The following TRPV3 variants were observed in gnomAD, a reference collection of about 807,000 sequenced individuals.
TRPV3 encodes VRL-3.
In TRPV3, 88 loss-of-function variants were observed where a neutral mutation model predicts 87.1. That is an observed-to-expected ratio of 1.01 (90% CI 0.85 to 1.21). The LOEUF (loss-of-function observed/expected upper bound fraction) is 1.21, where lower values mean the gene tolerates loss of function less well. TRPV3 is among the 50% of genes most tolerant of loss of function. TRPV3 has a pLI of 0.00. For synonymous variants in TRPV3, 438 were observed against 423.3 expected (o/e 1.03, Z -0.43); for missense variants, 1,054 against 1,030.1 (o/e 1.02, Z -0.32).
chr17:3,525,167 C>A (rs557956838), intron 12 of TRPV3, among the ~76,000 whole-genome samples: 15 of 128,890 alleles, frequency 1.2e-4, no homozygotes, highest in African/African-American at 2.9e-4. Flanking sequence ...TTACAGGCAC[C>A]CGCCACCACA....
intron 2 of TRPV3, among the ~76,000 whole-genome samples, chr17:3,551,357 C>T (rs1181403325): frequency 1.3e-5 from 2 of 152,234 alleles, no homozygotes; most frequent in Non-Finnish European, 2.9e-5. Context: ...TACATCCCAC[C>T]CAGCGTCATA....
At chr17:3,544,691 A>G in intron 3 of TRPV3, 26 bp from the exon 4 acceptor site, 1 of 1,573,198 alleles carries the variant, frequency 6.4e-7, no homozygotes, top group Admixed American at 1.7e-5. Context: ...GGGGGAACAG[A>G]GAGGGTTTTA....
chr17:3,545,668 G>C (rs984962256), intron 2 of TRPV3, among the ~76,000 whole-genome samples: 2 of 151,764 alleles, frequency 1.3e-5, no homozygotes, highest in Non-Finnish European at 2.9e-5. Flanking sequence ...AAGTGGGCAG[G>C]AGAGAAAGGA....
intron 6 of TRPV3, among the ~76,000 whole-genome samples, chr17:3,536,461 G>A (rs1291204784): frequency 6.6e-6 from 1 of 152,178 alleles, no homozygotes; most frequent in Non-Finnish European, 1.5e-5. Flanking sequence ...GGGGGCGCAT[G>A]CCTGTAATCC....
At chr17:3,546,126 C>A (rs1031718323) in intron 2 of TRPV3, among the ~76,000 whole-genome samples, 4 of 152,042 alleles carry the variant, frequency 2.6e-5, no homozygotes, top group Non-Finnish European at 4.4e-5. Flanking sequence ...ATTCATCTTG[C>A]GCTCAGTAAA....
chr17:3,538,090 C>T (rs769834518), intron 6 of TRPV3, among the ~76,000 whole-genome samples: 8 of 150,926 alleles, frequency 5.3e-5, no homozygotes, highest in East Asian at 3.9e-4. Flanking sequence ...CCCAGCTACT[C>T]GGGAGGCTGA....
intron 2 of TRPV3, 117 bp from the exon 3 acceptor site, chr17:3,545,388 T>C: frequency 1.5e-6 from 1 of 677,494 alleles, no homozygotes. Context: ...TGGCCAGCTC[T>C]GAGCCCAAAT....
intron 12 of TRPV3, among the ~76,000 whole-genome samples, chr17:3,525,212 G>T (rs1459723428): frequency 3.3e-5 from 5 of 152,144 alleles, no homozygotes; most frequent in Admixed American, 3.3e-4. Flanking sequence ...TAGAGATGGG[G>T]TTTCACCATG....
chr17:3,533,999 A>C (rs1322113782), intron 7 of TRPV3, among the ~76,000 whole-genome samples: 1 of 152,158 alleles, frequency 6.6e-6, no homozygotes, highest in Admixed American at 6.5e-5. Flanking sequence ...ATGCTTGTTA[A>C]GAAAAAATAA....
At chr17:3,550,440 G>A (rs899022120) in intron 2 of TRPV3, among the ~76,000 whole-genome samples, 3 of 151,642 alleles carry the variant, frequency 2.0e-5, no homozygotes, top group Non-Finnish European at 4.4e-5. Context: ...TAGTGTCCTC[G>A]TGCTGCCAAG....
At chr17:3,547,822 G>GGA (rs1281440171) in intron 2 of TRPV3, among the ~76,000 whole-genome samples, 1 of 152,126 alleles carries the variant, frequency 6.6e-6, no homozygotes, top group Non-Finnish European at 1.5e-5. Context: ...CCCCAGCGAA[G>GGA]GAGAGACGCT....
chr17:3,548,439 A>G (rs1433144455), intron 2 of TRPV3, among the ~76,000 whole-genome samples: 1 of 152,332 alleles, frequency 6.6e-6, no homozygotes, highest in South Asian at 2.1e-4. Flanking sequence ...CGCCTTAGCA[A>G]TCTGAGCCTT....
At chr17:3,525,884 G>A (rs1439037156) in intron 12 of TRPV3, among the ~76,000 whole-genome samples, 4 of 151,974 alleles carry the variant, frequency 2.6e-5, no homozygotes. Context: ...CAAAGTGCTG[G>A]GATTACAAGC....
At chr17:3,525,689 G>A (rs538297239) in intron 12 of TRPV3, among the ~76,000 whole-genome samples, 24 of 149,222 alleles carry the variant, frequency 1.6e-4, no homozygotes, top group South Asian at 6.4e-4. Context: ...GCATGATCTC[G>A]GCTCACTGCA....
Position 3,512,437 on chromosome 17 carries a change from G to C in TRPV3, c.*1480C>G, listed in dbSNP as rs532641516. The C allele has an allele frequency of 1.3e-5, 2 of 152,324 alleles. No individual in the cohort carries two copies. Among genetic ancestry groups the C allele is most frequent in the African/African-American group, 4.8e-5 (2 of 41,576 alleles). The allele number at this position is 152,324 out of a possible 1,614,324, so 9.4% of individuals were successfully genotyped here. A position where few individuals can be genotyped will look rare whatever the true frequency, so the allele number is the denominator to read the frequency against. On this transcript the variant is annotated 3_prime_UTR_variant, in exon 18 of 18. Transcript: ENST00000576742. Reference sequence around the variant, plus strand: ...CCCAGGGCAGAGAAACTGGCCCAGAGTGCACTGCTAGGCCCCGACTCTTCA... The same window carrying C: ...CCCAGGGCAGAGAAACTGGCCCAGACTGCACTGCTAGGCCCCGACTCTTCA...
rs746084220 is a variant in TRPV3, at chr17:3,518,584, G to A, written c.2077C>T (p.Arg693Cys). Residue 693 changes from arginine to cysteine, a missense_variant, in exon 15 of 18, where the codon CGC (arginine) becomes TGC (cysteine). Arg to Cys is a radical substitution (Grantham distance 180). Coordinates refer to ENST00000576742, the MANE Select transcript of TRPV3 (RefSeq NM_145068.4). The surrounding 1 kb of genome is among the most constrained non-coding windows in gnomAD (Gnocchi z 4.3). ...TCTCCACCTAGGCTCACCTGCAGGC[G>A]CCAGATGCGTTCGCTCTCCTTGGAG... ...NVSKESERIW[R>C]LQRARTILEF... is the part of the protein sequence containing the mutation. 30 of 1,554,510 alleles carry A rather than the reference G, an allele frequency of 1.9e-5. No individual in the cohort carries two copies. Among genetic ancestry groups the A allele is most frequent in the Middle Eastern group, 1.7e-4 (1 of 5,950 alleles).
rs550639241 is a variant in TRPV3 at position 3,512,781 on chromosome 17, G to T, written c.*1136C>A. ...CTTGGCAAATGCTTTTCTCTCACAA[G>T]CTTCCCCTTCAGCTTCAAAATTCAC... On this transcript the variant is annotated 3_prime_UTR_variant, in exon 18 of 18. Coordinates refer to ENST00000576742, the MANE Select transcript of TRPV3 (RefSeq NM_145068.4). 6.6e-6 allele frequency: 1 copy of T among 151,684 alleles called. No individual in the cohort carries two copies. The highest frequency in any genetic ancestry group is 1.5e-5 in the Non-Finnish European group (1 of 68,000). The allele number at this position is 151,684 out of a possible 1,614,324, so 9.4% of individuals were successfully genotyped here. A position where few individuals can be genotyped will look rare whatever the true frequency, so the allele number is the denominator to read the frequency against.
At chr17:3,544,145 A>AT (rs1310236895) in intron 4 of TRPV3, among the ~76,000 whole-genome samples, 4 of 152,234 alleles carry the variant, frequency 2.6e-5, no homozygotes, top group African/African-American at 9.7e-5. Context: ...AGTAGCTGGG[A>AT]TTACAGGCAT....
Position 3,535,680 on chromosome 17 carries a change from C to T in TRPV3, c.677G>A (p.Arg226Gln). The T allele has an allele frequency of 1.3e-6, 2 of 1,588,806 alleles. No individual in the cohort carries two copies. The highest frequency in any genetic ancestry group is 1.7e-6 in the Non-Finnish European group (2 of 1,169,816). Residue 226 changes from arginine (R) to glutamine (Q), a missense_variant, in exon 7 of 18, where the codon CGG becomes CAG. Physicochemically the swap from Arg to Gln is conservative, Grantham distance 43. Coordinates refer to ENST00000576742, the MANE Select transcript of TRPV3 (RefSeq NM_145068.4). ...GAGCAGGGCTGCGATGTCCCCCTGCCGCCGCTCGATGGCGATGTTCAGCGC... is the reference window on the plus strand; with the variant it reads ...GAGCAGGGCTGCGATGTCCCCCTGCTGCCGCTCGATGGCGATGTTCAGCGC... ...QTALNIAIER[R>Q]QGDIAALLIA...
Sources: gnomAD v4.1 joint callset for allele counts (sites outside exome capture counted in the v4.1 genomes callset) on GRCh38, gnomAD v4.1.1 for gene constraint, Gnocchi (gnomAD v3.1) non-coding constraint, MANE v1.5 for transcripts, NCBI Gene and HGNC (gene_info 2026-07-23, HGNC 2026-07-21) for gene names.